BMP6: variants seen among roughly 807,000 people sequenced by gnomAD.
The protein encoded by BMP6 is VG-1-R.
In BMP6, 17 loss-of-function variants were observed where a neutral mutation model predicts 54.1. The observed-to-expected ratio is 0.31, with a 90% confidence interval of 0.22 to 0.47. The LOEUF (loss-of-function observed/expected upper bound fraction) is 0.47, where lower values mean the gene tolerates loss of function less well. Ranked by LOEUF, BMP6 falls within the 20% of genes least tolerant of loss-of-function variation. BMP6 has a pLI of 1.00. For missense variants in BMP6, 720 were observed against 690.4 expected, an observed-to-expected ratio of 1.04 and a Z score of -0.48; for synonymous variants, 328 against 291.2, an observed-to-expected ratio of 1.13 and a Z score of -1.28.
intron 1 of BMP6, among the ~76,000 whole-genome samples, chr6:7,778,413 T>G (rs1757893756): frequency 6.6e-6 from 1 of 152,078 alleles, no homozygotes; most frequent in Non-Finnish European, 1.5e-5. Flanking sequence ...GAGACTGAGG[T>G]TTTAAAGAAG....
Position 7,727,444 on chromosome 6 carries a change from C to G in BMP6, c.489C>G (p.His163Gln), listed in dbSNP as rs776392406. The change falls in exon 1 of 7, where the codon CAC becomes CAG. Residue 163 changes from histidine to glutamine, a missense_variant. By Grantham distance (24) the His-to-Gln change is conservative (BLOSUM62 0). This residue lies in a region of BMP6 where 650 missense variants were observed against 556.3 expected (regional missense o/e 1.17). Coordinates refer to ENST00000283147, the MANE Select transcript of BMP6 (RefSeq NM_001718.6). ...GGGAGAGGCAGCAGTCCTGGCCCCA[C>G]GAAGCAGCCAGCTCGTCCCAGCGTC... ...SEGERQQSWP[H>Q]EAASSSQRRQ... is the part of the protein sequence containing the mutation. 3.1e-6 allele frequency: 5 copies of G among 1,602,638 alleles called. No individual in the cohort carries two copies. The highest frequency in any genetic ancestry group is 1.7e-5 in the Admixed American group (1 of 59,300).
intron 1 of BMP6, among the ~76,000 whole-genome samples, chr6:7,824,676 C>A (rs879858859): frequency 2.0e-5 from 3 of 152,144 alleles, no homozygotes; most frequent in Non-Finnish European, 4.4e-5. Context: ...CTGATAATCC[C>A]AAAAGCTTAT....
At chr6:7,803,678 C>T (rs999264389) in intron 1 of BMP6, among the ~76,000 whole-genome samples, 1 of 152,162 alleles carries the variant, frequency 6.6e-6, no homozygotes, top group Non-Finnish European at 1.5e-5. Flanking sequence ...ATGTGATCGC[C>T]CTTCTCTGCC....
rs1375403818 is a variant in BMP6, at chr6:7,857,174, C to A, written c.858-4277C>A. ...GATATGCAGGGATAAATCTTGCCCA[C>A]AAACACCAATTCTACTAGTCTTTAT... On this transcript the variant is annotated intron_variant, in intron 2 of 6. Transcript: ENST00000283147. Among the ~76,000 whole-genome samples the A allele has an allele frequency of 2.6e-5, 4 of 152,332 alleles. No individual in the cohort carries two copies. The East Asian group carries it at 5.8e-4, about 22-fold the overall frequency.
At chr6:7,866,540 T>C (rs1195261842) in intron 4 of BMP6, among the ~76,000 whole-genome samples, 3 of 152,252 alleles carry the variant, frequency 2.0e-5, no homozygotes, top group Non-Finnish European at 4.4e-5. Flanking sequence ...TGGGTGATTC[T>C]AAATTTTCAT....
chr6:7,746,282 G>C (rs1252746834), intron 1 of BMP6, among the ~76,000 whole-genome samples: 2 of 152,156 alleles, frequency 1.3e-5, no homozygotes, highest in African/African-American at 4.8e-5. Flanking sequence ...CCAGTCTAAG[G>C]AGTTTGGACT....
intron 1 of BMP6, among the ~76,000 whole-genome samples, chr6:7,749,715 A>C (rs1757393607): frequency 6.6e-6 from 1 of 152,138 alleles, no homozygotes; most frequent in Non-Finnish European, 1.5e-5. Flanking sequence ...TGCAGACGGG[A>C]CACCGTGACA....
intron 1 of BMP6, among the ~76,000 whole-genome samples, chr6:7,822,123 C>G (rs1184039975): frequency 6.6e-6 from 1 of 152,052 alleles, no homozygotes; most frequent in Non-Finnish European, 1.5e-5. Context: ...CAGGTTCAAG[C>G]AATTCTCCTG....
At chr6:7,813,108 A>AAAT (rs1554122651) in intron 1 of BMP6, among the ~76,000 whole-genome samples, 30 of 21,498 alleles carry the variant, frequency 1.4e-3, no homozygotes, top group African/African-American at 3.1e-3. Flanking sequence ...AAAAAAAAAA[A>AAAT]ATATATATAT....
At chr6:7,811,220 C>G (rs555226463) in intron 1 of BMP6, among the ~76,000 whole-genome samples, 9 of 152,310 alleles carry the variant, frequency 5.9e-5, no homozygotes, top group Non-Finnish European at 1.3e-4. Flanking sequence ...GCTGACACCT[C>G]TCAGCCTACA....
intron 1 of BMP6, among the ~76,000 whole-genome samples, chr6:7,814,855 A>C (rs1398807351): frequency 6.6e-6 from 1 of 152,144 alleles, no homozygotes; most frequent in Non-Finnish European, 1.5e-5. Flanking sequence ...ATTAGGACAA[A>C]TACCTAATGC....
rs183940980 is a variant in BMP6, at chr6:7,861,730, C to T, written c.1006+131C>T. On this transcript the variant is annotated intron_variant, in intron 3 of 6. Coordinates refer to ENST00000283147, the MANE Select transcript of BMP6 (RefSeq NM_001718.6). ...TTCAGGATGGCCTCATTTACTGATC[C>T]CCCATGACTTGCATTGAGAACCAAA... 17 of 1,329,374 alleles carry T rather than the reference C, an allele frequency of 1.3e-5. No homozygotes were observed. In the Admixed American group the frequency reaches 3.6e-4, roughly 29 times the overall value. 82.3% of individuals were successfully genotyped at this position (1,329,374 alleles called of 1,614,324 possible). A position where few individuals can be genotyped will look rare whatever the true frequency, so the allele number is the denominator to read the frequency against.
intron 1 of BMP6, among the ~76,000 whole-genome samples, chr6:7,813,458 C>CAA (rs58314970): frequency 0.4 from 25,587 of 64,290 alleles, 6,880 homozygotes; most frequent in East Asian, 0.6. Flanking sequence ...CCTGTCTCTA[C>CAA]AAAAAAAAAA....
chr6:7,872,740 C>T (rs897796608), intron 4 of BMP6, among the ~76,000 whole-genome samples: 1 of 152,002 alleles, frequency 6.6e-6, no homozygotes, highest in African/African-American at 2.4e-5. Context: ...AAGTGGTGGT[C>T]TCTGCCTGTG....
chr6:7,813,143 A>G lies in BMP6; in HGVS notation c.665-31997A>G, dbSNP rs1414003173. Among the ~76,000 whole-genome samples the G allele has an allele frequency of 3.8e-5, 4 of 105,710 alleles. No individual in the cohort carries two copies. In the East Asian group the frequency reaches 9.2e-4, roughly 24 times the overall value. The allele number at this position is 105,710 out of a possible 152,430, so 69.3% of individuals were successfully genotyped here. A position where few individuals can be genotyped will look rare whatever the true frequency, so the allele number is the denominator to read the frequency against. ...TATATATATATATATATATATATATATATATAAAATTAGTGGGCATGGTAG... is the reference window on the plus strand; with the variant it reads ...TATATATATATATATATATATATATGTATATAAAATTAGTGGGCATGGTAG... On this transcript the variant is annotated intron_variant, in intron 1 of 6. Coordinates refer to ENST00000283147, the MANE Select transcript of BMP6 (RefSeq NM_001718.6).
intron 1 of BMP6, among the ~76,000 whole-genome samples, chr6:7,840,410 T>C (rs6903877): frequency 6.6e-6 from 1 of 152,134 alleles, no homozygotes; most frequent in East Asian, 1.9e-4. Flanking sequence ...TGCTTTACTA[T>C]TATGCTTCAT....
At chr6:7,860,930 C>A (rs1759322727) in intron 2 of BMP6, among the ~76,000 whole-genome samples, 1 of 152,016 alleles carries the variant, frequency 6.6e-6, no homozygotes, top group African/African-American at 2.4e-5. Flanking sequence ...TCCTGTTTCT[C>A]GCTGTCTCCT....
chr6:7,777,038 CTT>C (rs1162704037), intron 1 of BMP6, among the ~76,000 whole-genome samples: 2 of 152,204 alleles, frequency 1.3e-5, no homozygotes, highest in African/African-American at 4.8e-5. Context: ...TAATGAGAAA[CTT>C]TGTGGTATAG....
chr6:7,873,809 C>A (rs1489773899), intron 4 of BMP6, among the ~76,000 whole-genome samples: 2 of 152,094 alleles, frequency 1.3e-5, no homozygotes, highest in Non-Finnish European at 2.9e-5. Flanking sequence ...ATTATTTTCA[C>A]ACTGCCCATG....
Sources: gnomAD v4.1 joint callset for allele counts (sites outside exome capture counted in the v4.1 genomes callset) on GRCh38, gnomAD v4.1.1 for gene constraint, gnomAD v4.1.1 regional missense constraint, MANE v1.5 for transcripts, NCBI Gene and HGNC (gene_info 2026-07-23, HGNC 2026-07-21) for gene names.